Variants in DRC11L observed in about 807,000 individuals in gnomAD.
DRC11L encodes dynein regulatory complex subunit 11 like.
chr7:151,196,792 A>C, the DRC11L span, among the ~76,000 whole-genome samples: 1 of 152,128 alleles, frequency 6.6e-6, no homozygotes, highest in African/African-American at 2.4e-5. Flanking sequence ...TCAGACCCAA[A>C]TCTGTAACGC....
chr7:151,198,745 C>A, the DRC11L span: 2 of 398,966 alleles, frequency 5.0e-6, no homozygotes, highest in Non-Finnish European at 8.8e-6. Flanking sequence ...CCCTGAGGGA[C>A]CCTGAGCGAA....
chr7:151,197,985 G>A, the DRC11L span: 46 of 391,210 alleles, frequency 1.2e-4, no homozygotes, highest in Admixed American at 6.7e-4. Flanking sequence ...TAGACAGAGA[G>A]GTGGGTAGAA....
At chr7:151,201,607 G>A in the DRC11L span, among the ~76,000 whole-genome samples, 1 of 152,246 alleles carries the variant, frequency 6.6e-6, no homozygotes, top group Admixed American at 6.5e-5. This position sits in a 1 kb window ranked among gnomAD's most constrained non-coding sequence, Gnocchi z 4.1. Context: ...TTGTTAGTTG[G>A]TTGCCTGCTT....
chr7:151,194,722 G>C, the DRC11L span: 1 of 394,692 alleles, frequency 2.5e-6, no homozygotes, highest in Non-Finnish European at 4.5e-6. Context: ...TGGTTCTCCT[G>C]TACAACATTC....
At chr7:151,199,898 G>A in the DRC11L span, among the ~76,000 whole-genome samples, 2 of 152,198 alleles carry the variant, frequency 1.3e-5, no homozygotes, top group Non-Finnish European at 2.9e-5. The surrounding 1 kb of genome is among the most constrained non-coding windows in gnomAD (Gnocchi z 5.2). Context: ...AAGGAGCCAG[G>A]CCTACTCACT....
chr7:151,199,815 G>A, the DRC11L span, among the ~76,000 whole-genome samples: 12 of 152,228 alleles, frequency 7.9e-5, no homozygotes, highest in African/African-American at 2.9e-4. This position sits in a 1 kb window ranked among gnomAD's most constrained non-coding sequence, Gnocchi z 5.2. Flanking sequence ...ACCCCTCCAG[G>A]CTCGGCCTGC....
the DRC11L span, chr7:151,191,099 G>A: frequency 5.0e-6 from 2 of 398,996 alleles, no homozygotes; most frequent in South Asian, 1.3e-4. Flanking sequence ...TGGGTTGGTG[G>A]GTACAGGAGT....
chr7:151,204,335 G>C, the DRC11L span, among the ~76,000 whole-genome samples: 1 of 152,166 alleles, frequency 6.6e-6, no homozygotes, highest in Non-Finnish European at 1.5e-5. Flanking sequence ...CCAACACCAG[G>C]GATATCCGTG....
chr7:151,194,871 A>G, the DRC11L span, among the ~76,000 whole-genome samples: 6,238 of 152,328 alleles, frequency 0.041, 199 homozygotes, highest in African/African-American at 0.078. Context: ...TGTGACACTC[A>G]TTAGTCTGCC....
the DRC11L span, chr7:151,195,740 A>G: frequency 2.5e-6 from 1 of 398,598 alleles, no homozygotes. Context: ...CAGGGATGGG[A>G]AGGAGGGGAG....
the DRC11L span, chr7:151,192,136 C>T: frequency 2.5e-6 from 1 of 398,124 alleles, no homozygotes; most frequent in Non-Finnish European, 4.4e-6. Context: ...AGCCAGGACC[C>T]AGGCCACTGG....
the DRC11L span, among the ~76,000 whole-genome samples, chr7:151,200,074 G>T: frequency 6.6e-6 from 1 of 152,198 alleles, no homozygotes; most frequent in Non-Finnish European, 1.5e-5. Flanking sequence ...TCCCTCTGGG[G>T]TCCACCCCTG....
At chr7:151,197,782 C>A in the DRC11L span, 23 of 398,570 alleles carry the variant, frequency 5.8e-5, no homozygotes, top group Non-Finnish European at 1.3e-5. Flanking sequence ...CAGGCTCCAC[C>A]TGCCACAAAA....
the DRC11L span, chr7:151,193,188 A>C: frequency 2.5e-6 from 1 of 398,072 alleles, no homozygotes; most frequent in African/African-American, 2.1e-5. Context: ...TCAGCACCTG[A>C]AATCATACCC....
the DRC11L span, among the ~76,000 whole-genome samples, chr7:151,199,161 G>A: frequency 7.9e-5 from 12 of 152,238 alleles, no homozygotes; most frequent in Admixed American, 4.6e-4. This position sits in a 1 kb window ranked among gnomAD's most constrained non-coding sequence, Gnocchi z 5.2. Context: ...ACGGAACAAC[G>A]GGCATGCCTG....
the DRC11L span, among the ~76,000 whole-genome samples, chr7:151,199,493 C>A: frequency 6.6e-6 from 1 of 152,224 alleles, no homozygotes; most frequent in East Asian, 1.9e-4. The surrounding 1 kb of genome is among the most constrained non-coding windows in gnomAD (Gnocchi z 5.2). Context: ...TGCACGGACC[C>A]CTCCCTGCTG....
the DRC11L span, among the ~76,000 whole-genome samples, chr7:151,199,289 A>C: frequency 1.8e-4 from 27 of 152,030 alleles, no homozygotes; most frequent in African/African-American, 6.3e-4. This position sits in a 1 kb window ranked among gnomAD's most constrained non-coding sequence, Gnocchi z 5.2. Context: ...CCTCCCCTGG[A>C]GCCTCCGGCC....
the DRC11L span, chr7:151,190,972 CT>C: frequency 2.5e-6 from 1 of 400,316 alleles, no homozygotes; most frequent in Non-Finnish European, 4.4e-6. Flanking sequence ...GCCCGCAAGC[CT>C]TAGCCATCAC....
chr7:151,204,006 G>T, the DRC11L span, among the ~76,000 whole-genome samples: 29 of 152,204 alleles, frequency 1.9e-4, no homozygotes, highest in Admixed American at 1.4e-3. Flanking sequence ...GAACTTGCCC[G>T]TGCACACAGA....
Sources: allele counts gnomAD v4.1 joint callset (sites outside exome capture counted in the v4.1 genomes callset), GRCh38; gene constraint gnomAD v4.1.1; non-coding constraint Gnocchi (gnomAD v3.1); transcripts MANE v1.5; gene names NCBI Gene and HGNC (gene_info 2026-07-23, HGNC 2026-07-21).